The following CFAP299 variants were observed in gnomAD, a reference collection of about 807,000 sequenced individuals.
CFAP299 encodes the protein cilia- and flagella-associated protein 299.
CFAP299 carries 21 observed loss-of-function variants against 27.0 expected under a neutral mutation model. The ratio of observed to expected loss-of-function variants is 0.78; its 90% CI spans 0.55 to 1.12. The LOEUF (loss-of-function observed/expected upper bound fraction) is 1.12, where lower values mean the gene tolerates loss of function less well. CFAP299 is among the 50% of genes most tolerant of loss of function. The probability of loss-of-function intolerance (pLI) is 0.00; values close to 1 mark genes in which losing one functional copy is unlikely to be tolerated. For synonymous variants in CFAP299, 104 were observed against 98.1 expected (o/e 1.06, Z -0.36); for missense variants, 310 against 276.6 (o/e 1.12, Z -0.86).
chr4:80,425,201 T>C (rs1727475540), intron 2 of CFAP299, among the ~76,000 whole-genome samples: 1 of 152,170 alleles, frequency 6.6e-6, no homozygotes, highest in Non-Finnish European at 1.5e-5. Flanking sequence ...ATAGATTAAC[T>C]TAGTATTTCT....
chr4:80,495,503 T>C (rs1731389637), intron 2 of CFAP299, among the ~76,000 whole-genome samples: 1 of 152,228 alleles, frequency 6.6e-6, no homozygotes, highest in Admixed American at 6.5e-5. Flanking sequence ...ATCAAATTTT[T>C]ATTGTGATAA....
intron 2 of CFAP299, among the ~76,000 whole-genome samples, chr4:80,576,839 A>G (rs913479732): frequency 6.6e-6 from 1 of 152,210 alleles, no homozygotes; most frequent in African/African-American, 2.4e-5. Flanking sequence ...AATGTGAAAT[A>G]TAGGCTAGAT....
Position 80,471,049 on chromosome 4 carries a change from C to T in CFAP299, c.242+108165C>T, listed in dbSNP as rs568210996. Among the ~76,000 whole-genome samples the T allele has an allele frequency of 2.2e-3, 336 of 151,950 alleles. 3 individuals carry two copies. Among genetic ancestry groups the T allele is most frequent in the South Asian group, 7.3e-3 (35 of 4,824 alleles). ...CATGTAATTATCCACAGAATAACCT[C>T]GTACAGGGAGTTATTACTGTTATCC... On this transcript the variant is annotated intron_variant, in intron 2 of 5. Transcript: ENST00000358105.
At chr4:80,934,954 A>C (rs984341794) in intron 4 of CFAP299, among the ~76,000 whole-genome samples, 12 of 151,900 alleles carry the variant, frequency 7.9e-5, no homozygotes, top group African/African-American at 2.9e-4. Flanking sequence ...AGCTCCTTGA[A>C]TATAAATTTA....
intron 3 of CFAP299, among the ~76,000 whole-genome samples, chr4:80,695,548 A>G (rs1237366463): frequency 6.6e-6 from 1 of 152,208 alleles, no homozygotes; most frequent in Non-Finnish European, 1.5e-5. Context: ...CCACCATTAC[A>G]TCGTTAAATA....
At chr4:80,709,346 G>T (rs1338854132) in intron 3 of CFAP299, among the ~76,000 whole-genome samples, 1 of 152,132 alleles carries the variant, frequency 6.6e-6, no homozygotes, top group Non-Finnish European at 1.5e-5. Flanking sequence ...AATTGCCAAG[G>T]TTGCAAACAA....
chr4:80,946,855 C>T (rs1368961242), intron 5 of CFAP299, among the ~76,000 whole-genome samples: 1 of 152,074 alleles, frequency 6.6e-6, no homozygotes, highest in Non-Finnish European at 1.5e-5. Flanking sequence ...ATAGCATTTC[C>T]AGAGTCATTT....
At chr4:80,524,697 T>C (rs1446295081) in intron 2 of CFAP299, among the ~76,000 whole-genome samples, 1 of 152,142 alleles carries the variant, frequency 6.6e-6, no homozygotes, top group Non-Finnish European at 1.5e-5. Context: ...GTTCCCTCAT[T>C]GAGATGCACC....
intron 3 of CFAP299, among the ~76,000 whole-genome samples, chr4:80,826,851 A>T (rs1206492751): frequency 1.3e-5 from 2 of 151,910 alleles, no homozygotes; most frequent in Non-Finnish European, 2.9e-5. Flanking sequence ...TATCATACAA[A>T]ATATTTTCTC....
chr4:80,611,253 C>T (rs1037486435), intron 3 of CFAP299, among the ~76,000 whole-genome samples: 3 of 152,130 alleles, frequency 2.0e-5, no homozygotes, highest in African/African-American at 7.2e-5. Context: ...CATTTTAACA[C>T]CATGTTTTTT....
At chr4:80,478,802 A>G (rs1370515936) in intron 2 of CFAP299, among the ~76,000 whole-genome samples, 1 of 150,854 alleles carries the variant, frequency 6.6e-6, no homozygotes, top group Non-Finnish European at 1.5e-5. Context: ...TTTTTTTTAA[A>G]GTCGTATTTG....
At chr4:80,876,507 T>C (rs994736313) in intron 4 of CFAP299, among the ~76,000 whole-genome samples, 4 of 152,226 alleles carry the variant, frequency 2.6e-5, no homozygotes, top group African/African-American at 4.8e-5. Flanking sequence ...AACTGTAAGT[T>C]AATTAGACCT....
At chr4:80,645,456 A>G (rs1056135672) in intron 3 of CFAP299, among the ~76,000 whole-genome samples, 8 of 152,132 alleles carry the variant, frequency 5.3e-5, no homozygotes, top group African/African-American at 1.4e-4. Flanking sequence ...ACAATAAAAT[A>G]TCTGTATTCA....
chr4:80,528,511 G>A (rs577954540), intron 2 of CFAP299, among the ~76,000 whole-genome samples: 2 of 152,174 alleles, frequency 1.3e-5, no homozygotes, highest in South Asian at 4.2e-4. Context: ...GGCTGCTATC[G>A]TCCCACTCCC....
intron 5 of CFAP299, among the ~76,000 whole-genome samples, chr4:80,952,710 T>G (rs534133089): frequency 6.6e-6 from 1 of 152,292 alleles, no homozygotes; most frequent in East Asian, 1.9e-4. Context: ...TTTTGCATTT[T>G]TTTTTTAATT....
intron 3 of CFAP299, among the ~76,000 whole-genome samples, chr4:80,827,025 A>G (rs1250185143): frequency 6.6e-6 from 1 of 151,818 alleles, no homozygotes; most frequent in African/African-American, 2.4e-5. Flanking sequence ...AAATGAAAAC[A>G]GCATACCAAA....
intron 3 of CFAP299, among the ~76,000 whole-genome samples, chr4:80,827,580 A>G (rs964780204): frequency 5.9e-5 from 9 of 151,962 alleles, no homozygotes; most frequent in African/African-American, 2.2e-4. Context: ...TAAAAACCAT[A>G]TATAAAAAAC....
chr4:80,575,047 T>C (rs1447595473), intron 2 of CFAP299, among the ~76,000 whole-genome samples: 1 of 152,182 alleles, frequency 6.6e-6, no homozygotes, highest in Non-Finnish European at 1.5e-5. Flanking sequence ...TATTTGTTGT[T>C]CTTTAAATGT....
chr4:80,409,491 C>G (rs1343372134), intron 2 of CFAP299, among the ~76,000 whole-genome samples: 1 of 152,120 alleles, frequency 6.6e-6, no homozygotes, highest in Non-Finnish European at 1.5e-5. Context: ...TCATAAAACA[C>G]TCCTACAAAG....
Sources: gnomAD v4.1 joint callset for allele counts (sites outside exome capture counted in the v4.1 genomes callset) on GRCh38, gnomAD v4.1.1 for gene constraint, MANE v1.5 for transcripts, NCBI Gene and HGNC (gene_info 2026-07-23, HGNC 2026-07-21) for gene names.